The following HGD variants were observed in gnomAD, a reference collection of about 807,000 sequenced individuals.
HGD encodes homogentisate oxidase.
A neutral mutation model predicts 60.8 loss-of-function variants in HGD; 61 were observed. That is an observed-to-expected ratio of 1.00 (90% confidence interval 0.82 to 1.24). The LOEUF is 1.24. HGD is among the 50% of genes most tolerant of loss of function. HGD has a pLI of 0.00. For synonymous variants in HGD, 212 were observed against 187.7 expected (o/e 1.13, Z -1.06); for missense variants, 542 against 547.1 (o/e 0.99, Z 0.09).
chr3:120,674,823 C>A (rs1708091220), intron 3 of HGD, 78 bp downstream of exon 3: 3 of 959,254 alleles, frequency 3.1e-6, no homozygotes, highest in African/African-American at 1.6e-5. Flanking sequence ...GAGGCTGTGG[C>A]CCAGGGGAAG....
At chr3:120,642,413 G>A (rs1382661925) in intron 10 of HGD, among the ~76,000 whole-genome samples, 1 of 152,206 alleles carries the variant, frequency 6.6e-6, no homozygotes, top group African/African-American at 2.4e-5. Context: ...CTATTCCTGG[G>A]CATGTGGAAT....
intron 12 of HGD, 32 bp from the exon 13 acceptor site, chr3:120,633,360 A>T (rs770435542): frequency 1.2e-6 from 2 of 1,614,076 alleles, no homozygotes. Context: ...TATTTTTATT[A>T]TCCAAGGCAA....
chr3:120,665,469 G>A (rs1707878008), intron 4 of HGD, among the ~76,000 whole-genome samples: 1 of 152,226 alleles, frequency 6.6e-6, no homozygotes, highest in African/African-American at 2.4e-5. Context: ...TAAATTGGAT[G>A]TAGATTAGTT....
chr3:120,641,898 T>C, intron 10 of HGD: 1 of 584,106 alleles, frequency 1.7e-6, no homozygotes, highest in Non-Finnish European at 3.1e-6. Context: ...ACCCTATTTT[T>C]CTGGTTCATA....
chr3:120,653,271 T>G (rs1419144390), intron 4 of HGD, among the ~76,000 whole-genome samples: 1 of 152,234 alleles, frequency 6.6e-6, no homozygotes, highest in Non-Finnish European at 1.5e-5. Context: ...AATTTAATAA[T>G]GAAATGATCT....
chr3:120,628,465 C>T lies in HGD; in HGVS notation c.1253G>A (p.Cys418Tyr). 1 of 1,614,014 alleles carries T rather than the reference C, an allele frequency of 6.2e-7. No individual in the cohort carries two copies. The highest frequency in any genetic ancestry group is 1.7e-5 in the Admixed American group (1 of 60,008). Residue 418 changes from cysteine (C) to tyrosine (Y), a missense_variant, in exon 14 of 14, where the codon TGT becomes TAT. Physicochemically the swap from Cys to Tyr is radical, Grantham distance 194 (BLOSUM62 -2). Coordinates refer to ENST00000283871, the MANE Select transcript of HGD (RefSeq NM_000187.4). ...GCACTTGTGGTAGTTCTCATCCAAACACCTGGAGGCCTTGAGTCCCCACTT... is the reference window on the plus strand; with the variant it reads ...GCACTTGTGGTAGTTCTCATCCAAATACCTGGAGGCCTTGAGTCCCCACTT... Reference protein sequence around the residue: ...VTKWGLKASRCLDENYHKCWE... With the variant: ...VTKWGLKASRYLDENYHKCWE...
rs201045280 is a variant in HGD, at chr3:120,638,611, A to G, written c.880-30T>C. 180 of 1,613,266 alleles carry G rather than the reference A, an allele frequency of 1.1e-4. 1 individual carries two copies. In the East Asian group the frequency reaches 3.2e-3, roughly 29 times the overall value. On this transcript the variant is annotated intron_variant, in intron 11 of 13. Coordinates refer to ENST00000283871, the MANE Select transcript of HGD (RefSeq NM_000187.4). ...GAACACACAAGGAGAGACTGAACGC[A>G]TGATGCAAGGGAAGTGACTGGACAA...
chr3:120,630,877 C>G (rs896345754), intron 13 of HGD, among the ~76,000 whole-genome samples: 2 of 127,152 alleles, frequency 1.6e-5, no homozygotes, highest in African/African-American at 6.0e-5. Context: ...CACACACACA[C>G]AGATAATGGA....
At chr3:120,652,326 GA>G (rs1941366036) in intron 5 of HGD, among the ~76,000 whole-genome samples, 1 of 150,462 alleles carries the variant, frequency 6.6e-6, no homozygotes, top group Admixed American at 6.8e-5. Flanking sequence ...CTAGCCAAAA[GA>G]AAGGAACTTA....
chr3:120,636,100 G>T (rs899295599), intron 12 of HGD, among the ~76,000 whole-genome samples: 6 of 133,530 alleles, frequency 4.5e-5, no homozygotes, highest in Non-Finnish European at 9.4e-5. Flanking sequence ...GCAAGACCCC[G>T]TCTGTACTAA....
rs541803197 is a variant in HGD at position 120,644,527 on chromosome 3, C to T, written c.650-84G>A. ...ATGGTTGCATGAAGAGAAAGGCTTT[C>T]TTTCATGTCAAGAGCTACTCCACAA... is the stretch of plus-strand genomic sequence containing the variant. On this transcript the variant is annotated intron_variant, in intron 9 of 13. Coordinates refer to ENST00000283871, the MANE Select transcript of HGD (RefSeq NM_000187.4). 5.6e-6 allele frequency: 9 copies of T among 1,603,618 alleles called. No individual in the cohort carries two copies. The African/African-American group carries it at 8.0e-5, about 14-fold the overall frequency.
intron 4 of HGD, among the ~76,000 whole-genome samples, chr3:120,661,200 G>A (rs904387557): frequency 5.9e-5 from 9 of 152,070 alleles, no homozygotes; most frequent in Admixed American, 2.0e-4. Flanking sequence ...AATTATTCCT[G>A]ATCTCCTTGG....
At position 120,628,365 on chromosome 3, in the gene HGD, A is replaced by G; in HGVS notation, c.*15T>C. 6.2e-7 allele frequency: 1 copy of G among 1,613,116 alleles called. No homozygotes were observed. The highest frequency in any genetic ancestry group is 1.3e-5 in the African/African-American group (1 of 75,012). On this transcript the variant is annotated 3_prime_UTR_variant, in exon 14 of 14. Transcript: ENST00000283871. ...TCACAAATCTACTCTTAATTATGGT[A>G]GCAATGTTCCAGTCTCAATTAGGTT...
chr3:120,628,419 G>A lies in HGD; in HGVS notation c.1299C>T (p.His433=), dbSNP rs2107483607. The A allele has an allele frequency of 6.2e-7, 1 of 1,614,048 alleles. No homozygotes were observed. The highest frequency in any genetic ancestry group is 8.5e-7 in the Non-Finnish European group (1 of 1,179,968). ...YHKCWEPLKS[H]FTPNSRNPAE... ...CTGGGTTCCTGGAGTTGGGAGTGAA[G>A]TGGCTCTTGAGTGGCTCCCAGCACT... Residue 433 remains histidine (H), a synonymous_variant, in exon 14 of 14, where the codon CAC becomes CAT. Transcript: ENST00000283871.
chr3:120,654,000 G>T (rs745371887), intron 4 of HGD, among the ~76,000 whole-genome samples: 48 of 152,166 alleles, frequency 3.2e-4, no homozygotes, highest in Non-Finnish European at 6.2e-4. Flanking sequence ...TCTCCCAGTT[G>T]AGAACCACTG....
intron 7 of HGD, among the ~76,000 whole-genome samples, chr3:120,647,533 A>G (rs1941203584): frequency 6.6e-6 from 1 of 152,244 alleles, no homozygotes; most frequent in Non-Finnish European, 1.5e-5. Context: ...CTAATGATAA[A>G]TGGGCTTTTA....
chr3:120,628,201 A>G lies in HGD; in HGVS notation c.*179T>C. ...CAGAACACCAGCAAGTTTATTGAGT[A>G]ATTAAGGTGACAGCCATAGAACTTT... On this transcript the variant is annotated 3_prime_UTR_variant, in exon 14 of 14. Coordinates refer to ENST00000283871, the MANE Select transcript of HGD (RefSeq NM_000187.4). 1.5e-6 allele frequency: 1 copy of G among 665,376 alleles called. No individual in the cohort carries two copies. Among genetic ancestry groups the G allele is most frequent in the Non-Finnish European group, 2.6e-6 (1 of 379,784 alleles). 41.2% of individuals were successfully genotyped at this position (665,376 alleles called of 1,614,324 possible). A position where few individuals can be genotyped will look rare whatever the true frequency, so the allele number is the denominator to read the frequency against.
intron 6 of HGD, among the ~76,000 whole-genome samples, chr3:120,649,554 A>G (rs904082249): frequency 3.3e-5 from 5 of 151,904 alleles, no homozygotes; most frequent in Non-Finnish European, 5.9e-5. Flanking sequence ...TTTCTCCCCA[A>G]ATTTAGCTCA....
chr3:120,637,980 T>A (rs780887384), intron 12 of HGD, among the ~76,000 whole-genome samples: 35 of 152,174 alleles, frequency 2.3e-4, no homozygotes, highest in Non-Finnish European at 4.1e-4. Context: ...ATAAATGGCT[T>A]GGTGCCATCA....
Sources: gnomAD v4.1 joint callset for allele counts (sites outside exome capture counted in the v4.1 genomes callset) on GRCh38, gnomAD v4.1.1 for gene constraint, MANE v1.5 for transcripts, NCBI Gene and HGNC (gene_info 2026-07-23, HGNC 2026-07-21) for gene names.